Variants in WWC2 observed in about 807,000 individuals in gnomAD.
WWC2 encodes protein WWC2.
In WWC2, 101 loss-of-function variants were observed where a neutral mutation model predicts 138.5. The ratio of observed to expected loss-of-function variants is 0.73; its 90% CI spans 0.62 to 0.86. The LOEUF (loss-of-function observed/expected upper bound fraction) is 0.86. Among genes scored for constraint, WWC2 ranks in the 40% least tolerant of loss-of-function variants. WWC2 has a pLI of 0.00. For missense variants in WWC2, 1,420 were observed against 1,419.4 expected (o/e 1.00, Z -0.01); for synonymous variants, 558 against 538.4 (o/e 1.04, Z -0.50).
intron 1 of WWC2, among the ~76,000 whole-genome samples, chr4:183,157,980 T>G (rs917540897): frequency 6.6e-5 from 10 of 152,154 alleles, no homozygotes; most frequent in Non-Finnish European, 1.3e-4. Context: ...GTTCCTTTTC[T>G]GTAGTATGCG....
intron 17 of WWC2, chr4:183,281,124 C>G (rs552195584): frequency 3.9e-6 from 2 of 517,608 alleles, no homozygotes; most frequent in Non-Finnish European, 3.1e-6. Context: ...GTTCTTGTTT[C>G]GAGTAATTTT....
chr4:183,260,827 C>T, intron 10 of WWC2, 83 bp from the exon 11 acceptor site: 1 of 1,507,730 alleles, frequency 6.6e-7, no homozygotes, highest in South Asian at 1.3e-5. Context: ...CTTCCCTCTG[C>T]AGATCTGAAG....
At chr4:183,296,437 A>G (rs1200593016) in intron 21 of WWC2, among the ~76,000 whole-genome samples, 2 of 152,190 alleles carry the variant, frequency 1.3e-5, no homozygotes, top group Non-Finnish European at 2.9e-5. Context: ...TTGCCCAGTG[A>G]AGGATACAAG....
Position 183,315,819 on chromosome 4 carries a change from G to GTT in WWC2, c.*97_*98dup. 9.8e-7 allele frequency: 1 copy of GTT among 1,023,964 alleles called. No individual in the cohort carries two copies. The highest frequency in any genetic ancestry group is 1.4e-6 in the Non-Finnish European group (1 of 712,660). 63.4% of individuals were successfully genotyped at this position (1,023,964 alleles called of 1,614,324 possible). ...ATTTGTGTTTTTGTTTTGGTGTTTGGTTTTTTTTGGTAACGTAACTGTCAA... is the reference window on the plus strand; with the variant it reads ...ATTTGTGTTTTTGTTTTGGTGTTTGGTTTTTTTTTTGGTAACGTAACTGTCAA... On this transcript the variant is annotated 3_prime_UTR_variant, in exon 23 of 23. Coordinates refer to ENST00000403733, the MANE Select transcript of WWC2 (RefSeq NM_024949.6).
At chr4:183,099,670 T>C (rs1579932985) in intron 1 of WWC2, 48 bp downstream of exon 1, 7 of 1,214,946 alleles carry the variant, frequency 5.8e-6, no homozygotes, top group Non-Finnish European at 7.2e-6. Context: ...ACGGCGGCTG[T>C]TGTCCCGGAG....
At chr4:183,233,731 G>A (rs1457783454) in intron 4 of WWC2, 1 of 152,154 alleles carries the variant, frequency 6.6e-6, no homozygotes, top group Non-Finnish European at 1.5e-5. Context: ...CTTTATGAAA[G>A]TTAAACAATG....
intron 1 of WWC2, among the ~76,000 whole-genome samples, chr4:183,158,525 T>G (rs1291898050): frequency 6.6e-6 from 1 of 151,750 alleles, no homozygotes; most frequent in Non-Finnish European, 1.5e-5. Flanking sequence ...TGCCAGTCAG[T>G]CTAGATTAGG....
intron 22 of WWC2, among the ~76,000 whole-genome samples, chr4:183,314,917 C>T (rs939425459): frequency 1.3e-5 from 2 of 152,158 alleles, no homozygotes; most frequent in African/African-American, 4.8e-5. Flanking sequence ...TGGTTTCTAA[C>T]CCGCACCTCC....
intron 16 of WWC2, among the ~76,000 whole-genome samples, chr4:183,274,888 C>T (rs1334419410): frequency 6.6e-6 from 1 of 152,090 alleles, no homozygotes; most frequent in Admixed American, 6.5e-5. Context: ...ATTAACAAAT[C>T]CATCACCTGA....
intron 1 of WWC2, among the ~76,000 whole-genome samples, chr4:183,118,986 C>G (rs1189138757): frequency 6.6e-6 from 1 of 152,002 alleles, no homozygotes; most frequent in African/African-American, 2.4e-5. Flanking sequence ...TTAAAGACTC[C>G]TTTTGTCCTG....
chr4:183,142,683 T>C (rs369662386), intron 1 of WWC2, among the ~76,000 whole-genome samples: 1 of 152,352 alleles, frequency 6.6e-6, no homozygotes, highest in African/African-American at 2.4e-5. Context: ...CGTGTCTGTC[T>C]TGTGGATTTG....
intron 21 of WWC2, among the ~76,000 whole-genome samples, chr4:183,292,933 T>C (rs1047754638): frequency 2.0e-5 from 3 of 152,202 alleles, no homozygotes; most frequent in Non-Finnish European, 4.4e-5. Context: ...CTATGTTGAA[T>C]TGTACAAAGG....
chr4:183,251,568 CCTT>C (rs1378942524), intron 8 of WWC2, among the ~76,000 whole-genome samples: 14 of 152,176 alleles, frequency 9.2e-5, no homozygotes, highest in Non-Finnish European at 1.5e-5. Context: ...TTGGAACACT[CCTT>C]CTAAAATAAA....
rs137925971 is a variant in WWC2 at position 183,106,870 on chromosome 4, A to C, written c.131+7248A>C. On this transcript the variant is annotated intron_variant, in intron 1 of 22. Coordinates refer to ENST00000403733, the MANE Select transcript of WWC2 (RefSeq NM_024949.6). ...TTCCACTCTTTGGCTGTTATGAATGATGCTGCTATGAATATCCCTGTACAA... is the reference window on the plus strand; with the variant it reads ...TTCCACTCTTTGGCTGTTATGAATGCTGCTGCTATGAATATCCCTGTACAA... Among the ~76,000 whole-genome samples, 847 of 152,294 alleles carry C rather than the reference A, an allele frequency of 5.6e-3. 7 individuals carry two copies. Among genetic ancestry groups the C allele is most frequent in the South Asian group, 0.019 (94 of 4,828 alleles).
chr4:183,245,604 C>G, intron 6 of WWC2, 59 bp downstream of exon 6: 1 of 1,477,512 alleles, frequency 6.8e-7, no homozygotes, highest in Non-Finnish European at 9.0e-7. Flanking sequence ...CCCAGAAACT[C>G]TTACTGGGGC....
intron 1 of WWC2, among the ~76,000 whole-genome samples, chr4:183,123,302 G>A (rs1168001706): frequency 6.6e-6 from 1 of 152,206 alleles, no homozygotes; most frequent in East Asian, 1.9e-4. Context: ...TAATTACAGA[G>A]TGCTATACAG....
chr4:183,227,028 C>G (rs562424298), intron 4 of WWC2, among the ~76,000 whole-genome samples: 2 of 151,946 alleles, frequency 1.3e-5, no homozygotes, highest in African/African-American at 4.8e-5. Context: ...CCAGCTGCAT[C>G]AAGTGGGGAC....
chr4:183,206,235 T>C (rs1231035756), intron 2 of WWC2, among the ~76,000 whole-genome samples: 1 of 152,202 alleles, frequency 6.6e-6, no homozygotes, highest in African/African-American at 2.4e-5. Context: ...TATCTTCTAG[T>C]TACAGTGGCC....
At chr4:183,113,480 C>CTCTGTGTGTG (rs939145377) in intron 1 of WWC2, among the ~76,000 whole-genome samples, 2 of 143,806 alleles carry the variant, frequency 1.4e-5, no homozygotes, top group South Asian at 2.3e-4. Flanking sequence ...AAGGTGGGGC[C>CTCTGTGTGTG]TGTGTGTGTG....
Sources: allele counts gnomAD v4.1 joint callset (sites outside exome capture counted in the v4.1 genomes callset), GRCh38; gene constraint gnomAD v4.1.1; transcripts MANE v1.5; gene names NCBI Gene and HGNC (gene_info 2026-07-23, HGNC 2026-07-21).